Variants in PRKDC observed in about 807,000 individuals in gnomAD.
PRKDC encodes DNA-dependent protein kinase catalytic subunit.
Under a neutral mutation model 486.9 loss-of-function variants are expected in PRKDC, and 82 were observed. The ratio of observed to expected loss-of-function variants is 0.17; its 90% CI spans 0.14 to 0.20. The LOEUF (loss-of-function observed/expected upper bound fraction) is 0.20. Ranked by LOEUF, PRKDC falls within the 10% of genes least tolerant of loss-of-function variation. The pLI, the probability that PRKDC is intolerant of heterozygous loss-of-function variation, is 1.00. For synonymous variants in PRKDC, 1,895 were observed against 1,837.0 expected, an observed-to-expected ratio of 1.03 and a Z score of -0.81; for missense variants, 4,504 against 5,038.2, an observed-to-expected ratio of 0.89 and a Z score of 3.21.
At chr8:47,879,442 GAA>G in intron 39 of PRKDC, 47 bp downstream of exon 39, 1 of 1,293,972 alleles carries the variant, frequency 7.7e-7, no homozygotes, top group Non-Finnish European at 1.0e-6. Flanking sequence ...TATGTAACAA[GAA>G]AAAAAAAACA....
intron 83 of PRKDC, 52 bp from the exon 84 acceptor site, chr8:47,777,926 G>GT (rs1297010246): frequency 1.3e-4 from 202 of 1,534,220 alleles, no homozygotes; most frequent in Non-Finnish European, 1.7e-4. Context: ...AACTCTCAAA[G>GT]TACCGAGCAC....
chr8:47,899,165 A>C (rs2089635982), intron 28 of PRKDC, among the ~76,000 whole-genome samples: 1 of 152,238 alleles, frequency 6.6e-6, no homozygotes, highest in Non-Finnish European at 1.5e-5. Context: ...AAAGTTTTCT[A>C]TGTTTTTTAA....
chr8:47,910,049 C>G (rs1030252566), intron 25 of PRKDC, among the ~76,000 whole-genome samples: 1 of 152,184 alleles, frequency 6.6e-6, no homozygotes, highest in South Asian at 2.1e-4. Flanking sequence ...TAATAAAAAT[C>G]TGCTGGTTTT....
intron 69 of PRKDC, 130 bp from the exon 70 acceptor site, chr8:47,803,610 C>T: frequency 1.3e-6 from 1 of 782,778 alleles, no homozygotes; most frequent in Non-Finnish European, 2.1e-6. Context: ...TCTTTAGCTT[C>T]AATTATGTCT....
chr8:47,879,769 G>T, intron 38 of PRKDC, 111 bp from the exon 39 acceptor site: 3 of 784,476 alleles, frequency 3.8e-6, no homozygotes, highest in Admixed American at 4.6e-5. Context: ...TGGAATCAAT[G>T]AATGGCTTCA....
At chr8:47,906,362 TG>T (rs2089782333) in intron 25 of PRKDC, among the ~76,000 whole-genome samples, 1 of 151,614 alleles carries the variant, frequency 6.6e-6, no homozygotes, top group African/African-American at 2.4e-5. Flanking sequence ...AAAATTAAAA[TG>T]GCCAGGCACG....
chr8:47,912,259 T>C, intron 25 of PRKDC, 151 bp downstream of exon 25: 1 of 815,868 alleles, frequency 1.2e-6, no homozygotes, highest in Non-Finnish European at 1.7e-6. Context: ...GTCATGCCCA[T>C]GACCAATTAA....
intron 10 of PRKDC, among the ~76,000 whole-genome samples, chr8:47,942,947 C>T (rs532510351): frequency 1.5e-3 from 231 of 152,348 alleles, no homozygotes; most frequent in Non-Finnish European, 8.7e-4. Context: ...CCCAGCCCTT[C>T]CGGCCATCAC....
chr8:47,934,111 A>G (rs371735725), intron 14 of PRKDC, 21 bp from the exon 15 acceptor site: 8 of 1,607,646 alleles, frequency 5.0e-6, no homozygotes, highest in African/African-American at 2.7e-5. Flanking sequence ...AGACAGCATG[A>G]CAATATGTAG....
chr8:47,935,427 G>C (rs2090332544), intron 13 of PRKDC, among the ~76,000 whole-genome samples: 1 of 152,016 alleles, frequency 6.6e-6, no homozygotes, highest in African/African-American at 2.4e-5. Context: ...TTGAACCCAG[G>C]AGGCAGTGGT....
intron 76 of PRKDC, among the ~76,000 whole-genome samples, chr8:47,788,346 T>C (rs966262834): frequency 1.3e-5 from 2 of 152,218 alleles, no homozygotes; most frequent in Non-Finnish European, 2.9e-5. Context: ...TGCAGTCTAC[T>C]TGCTCCATCA....
intron 74 of PRKDC, among the ~76,000 whole-genome samples, chr8:47,790,287 T>C (rs953164553): frequency 8.5e-5 from 13 of 152,152 alleles, no homozygotes; most frequent in African/African-American, 2.9e-4. Context: ...ACAGAAATCA[T>C]AGAAGTAATT....
intron 4 of PRKDC, among the ~76,000 whole-genome samples, chr8:47,955,231 G>A (rs1476316586): frequency 2.0e-5 from 3 of 150,574 alleles, no homozygotes; most frequent in African/African-American, 7.3e-5. Context: ...GGGAGGCCGA[G>A]GCGGGCGGAT....
intron 54 of PRKDC, among the ~76,000 whole-genome samples, chr8:47,842,414 A>C (rs1375056886): frequency 6.6e-6 from 1 of 152,126 alleles, no homozygotes; most frequent in Non-Finnish European, 1.5e-5. Context: ...TGTGAAACCC[A>C]ATGCAGGAAC....
At chr8:47,892,488 G>A (rs757466014) in intron 31 of PRKDC, among the ~76,000 whole-genome samples, 10 of 152,034 alleles carry the variant, frequency 6.6e-5, no homozygotes, top group African/African-American at 9.7e-5. Context: ...GCATCACCAC[G>A]CCTGACTAAC....
chr8:47,947,029 A>G (rs2090544692), intron 7 of PRKDC, among the ~76,000 whole-genome samples: 1 of 152,094 alleles, frequency 6.6e-6, no homozygotes, highest in African/African-American at 2.4e-5. Flanking sequence ...ACTGTCAAAC[A>G]CCAACCCTGC....
chr8:47,824,759 CCCAGT>C (rs1307343638), intron 63 of PRKDC, among the ~76,000 whole-genome samples: 1 of 152,312 alleles, frequency 6.6e-6, no homozygotes, highest in East Asian at 1.9e-4. Flanking sequence ...AATCAAGCTT[CCCAGT>C]CCATGATATT....
chr8:47,777,624 T>C (rs2086628330), intron 84 of PRKDC, 62 bp downstream of exon 84: 1 of 1,457,966 alleles, frequency 6.9e-7, no homozygotes, highest in Non-Finnish European at 9.3e-7. Flanking sequence ...ACACGAGAGA[T>C]ACCAGCTTGA....
At chr8:47,821,934 T>A in intron 64 of PRKDC, 142 bp from the exon 65 acceptor site, 1 of 836,386 alleles carries the variant, frequency 1.2e-6, no homozygotes, top group Non-Finnish European at 1.8e-6. Flanking sequence ...GAGAAGCTAT[T>A]CAGAGTAACA....
Sources: allele counts gnomAD v4.1 joint callset (sites outside exome capture counted in the v4.1 genomes callset), GRCh38; gene constraint gnomAD v4.1.1; transcripts MANE v1.5; gene names NCBI Gene and HGNC (gene_info 2026-07-23, HGNC 2026-07-21).